The following LSAMP variants were observed in gnomAD, a reference collection of about 807,000 sequenced individuals.
The protein encoded by LSAMP is limbic system associated membrane protein.
A neutral mutation model predicts 38.6 loss-of-function variants in LSAMP; 7 were observed. The ratio of observed to expected loss-of-function variants is 0.18; its 90% CI spans 0.10 to 0.34. The LOEUF (loss-of-function observed/expected upper bound fraction) is 0.34, where lower values mean the gene tolerates loss of function less well. Ranked by LOEUF, LSAMP falls within the 10% of genes least tolerant of loss-of-function variation. The pLI is 1.00. For synonymous variants in LSAMP, 154 were observed against 166.8 expected, an observed-to-expected ratio of 0.92 and a Z score of 0.59; for missense variants, 313 against 420.0, an observed-to-expected ratio of 0.75 and a Z score of 2.23.
At chr3:116,392,390 A>G (rs1332385418) in intron 1 of LSAMP, among the ~76,000 whole-genome samples, 1 of 152,154 alleles carries the variant, frequency 6.6e-6, no homozygotes, top group Non-Finnish European at 1.5e-5. Flanking sequence ...CTCAGAGTAA[A>G]GTCAGGGGCC....
chr3:116,149,626 T>A (rs55942136), intron 1 of LSAMP, among the ~76,000 whole-genome samples: 147,575 of 151,938 alleles, frequency 0.97, 71,814 homozygotes, highest in East Asian at 1. Context: ...TTCTGATCTT[T>A]TGGGGGCTGG....
rs1933775027 is a variant in LSAMP, at chr3:115,810,235, CTCTCTCTCTG to C, written c.*72_*81del. 26 of 970,356 alleles carry C rather than the reference CTCTCTCTCTG, an allele frequency of 2.7e-5. No homozygotes were observed. The highest frequency in any genetic ancestry group is 2.3e-4 in the South Asian group (14 of 62,002). 60.1% of individuals were successfully genotyped at this position (970,356 alleles called of 1,614,324 possible). A position where few individuals can be genotyped will look rare whatever the true frequency, so the allele number is the denominator to read the frequency against. ...CGGTCTCCCCCATCTCTCTCTCTCT[CTCTCTCTCTG>C]TCTCTCTCTCTCTGTATTCTGTGTG... On this transcript the variant is annotated 3_prime_UTR_variant, in exon 7 of 7. Transcript: ENST00000490035.
intron 3 of LSAMP, among the ~76,000 whole-genome samples, chr3:115,856,680 G>A (rs922247601): frequency 2.0e-5 from 3 of 151,690 alleles, no homozygotes; most frequent in Non-Finnish European, 2.9e-5. Flanking sequence ...CTTCTGCCAC[G>A]TAAGGACACA....
chr3:115,828,234 C>G (rs997218558), intron 6 of LSAMP, among the ~76,000 whole-genome samples: 1 of 152,136 alleles, frequency 6.6e-6, no homozygotes, highest in African/African-American at 2.4e-5. Context: ...AGCCAAGGAA[C>G]AGGTTAAAAT....
At chr3:116,043,505 G>T (rs2107721183) in intron 2 of LSAMP, among the ~76,000 whole-genome samples, 1 of 152,210 alleles carries the variant, frequency 6.6e-6, no homozygotes, top group Admixed American at 6.5e-5. Flanking sequence ...GGCATTTCCT[G>T]GGCATAAAAG....
intron 1 of LSAMP, among the ~76,000 whole-genome samples, chr3:116,268,862 G>A (rs576736985): frequency 3.9e-5 from 6 of 151,988 alleles, no homozygotes; most frequent in Non-Finnish European, 8.8e-5. Flanking sequence ...AATAGAAATG[G>A]AACTAACTTT....
rs148116242 is a variant in LSAMP, at chr3:116,366,531, C to T, written c.155+78346G>A. 5.9e-3 allele frequency among the ~76,000 whole-genome samples: 896 copies of T among 152,238 alleles called. 6 individuals carry two copies. Among genetic ancestry groups the T allele is most frequent in the African/African-American group, 0.02 (835 of 41,544 alleles). On this transcript the variant is annotated intron_variant, in intron 1 of 6. Coordinates refer to ENST00000490035, the MANE Select transcript of LSAMP (RefSeq NM_002338.5). ...ACTCAGGGTCACTCAGTGTCCTCCC[C>T]ATAGATATATTTACATGAATGAATA...
At chr3:116,356,987 G>GT in intron 1 of LSAMP, among the ~76,000 whole-genome samples, 1 of 152,242 alleles carries the variant, frequency 6.6e-6, no homozygotes, top group South Asian at 2.1e-4. Context: ...TAGAGACGGG[G>GT]TTTCACCGTG....
chr3:115,872,694 C>CTCACGTGAATTATATTATT (rs1398708523), intron 3 of LSAMP, among the ~76,000 whole-genome samples: 10 of 152,180 alleles, frequency 6.6e-5, no homozygotes, highest in African/African-American at 2.4e-4. Flanking sequence ...GCTAAGAATT[C>CTCACGTGAATTATATTATT]TCACGTGAAT....
In LSAMP at chr3:116,173,475, C is replaced by T. The variant is rs191271114; in HGVS notation, c.156-86919G>A. Among the ~76,000 whole-genome samples the T allele has an allele frequency of 2.6e-5, 4 of 151,250 alleles. No individual in the cohort carries two copies. The East Asian group carries it at 7.7e-4, about 29-fold the overall frequency. On this transcript the variant is annotated intron_variant, in intron 1 of 6. Coordinates refer to ENST00000490035, the MANE Select transcript of LSAMP (RefSeq NM_002338.5). ...AATTTATAATCCAGTGGCAAATGCC[C>T]ACTAATAATTCAGGAGTTAAAAAAT...
At chr3:115,990,032 A>G (rs540117254) in intron 3 of LSAMP, among the ~76,000 whole-genome samples, 1 of 152,162 alleles carries the variant, frequency 6.6e-6, no homozygotes, top group South Asian at 2.1e-4. Context: ...AGCTACAGAG[A>G]TTTCTGAACT....
intron 1 of LSAMP, among the ~76,000 whole-genome samples, chr3:116,217,630 A>T (rs544724105): frequency 3.9e-5 from 6 of 152,348 alleles, no homozygotes; most frequent in African/African-American, 1.4e-4. Flanking sequence ...TGTGCCAATT[A>T]CTGTGCTAAA....
At chr3:115,898,304 A>G (rs1174313450) in intron 3 of LSAMP, among the ~76,000 whole-genome samples, 1 of 152,128 alleles carries the variant, frequency 6.6e-6, no homozygotes, top group African/African-American at 2.4e-5. Context: ...TGAGCTGTAC[A>G]TTTCCAAAAG....
intron 1 of LSAMP, among the ~76,000 whole-genome samples, chr3:116,162,832 C>T (rs1709931812): frequency 6.6e-6 from 1 of 151,026 alleles, no homozygotes; most frequent in Non-Finnish European, 1.5e-5. Flanking sequence ...TCCTGGATGT[C>T]CCAGCCTTGA....
intron 1 of LSAMP, among the ~76,000 whole-genome samples, chr3:116,396,016 G>A (rs1165914337): frequency 6.6e-6 from 1 of 152,086 alleles, no homozygotes; most frequent in Non-Finnish European, 1.5e-5. Flanking sequence ...ACCAGTGAAA[G>A]CTCTTCAAAA....
At chr3:116,206,109 A>C (rs1419081628) in intron 1 of LSAMP, among the ~76,000 whole-genome samples, 3 of 150,850 alleles carry the variant, frequency 2.0e-5, no homozygotes, top group Admixed American at 6.6e-5. Flanking sequence ...CAGAGATTCA[A>C]CTTCTTCCTG....
In LSAMP at chr3:115,807,013, AAATATAT is replaced by A. The variant is rs1481346600; in HGVS notation, c.*3297_*3303del. ...TTTTACTTTGTATACAAAGGATATT[AAATATAT>A]TAGCCACTCAGATTAATTGATGAAT... On this transcript the variant is annotated 3_prime_UTR_variant, in exon 7 of 7. Coordinates refer to ENST00000490035, the MANE Select transcript of LSAMP (RefSeq NM_002338.5). 6.6e-6 allele frequency: 1 copy of A among 152,214 alleles called. No individual in the cohort carries two copies. Among genetic ancestry groups the A allele is most frequent in the Non-Finnish European group, 1.5e-5 (1 of 68,038 alleles). 9.4% of individuals were successfully genotyped at this position (152,214 alleles called of 1,614,324 possible).
At chr3:115,839,228 CCCTT>C (rs1407014317) in intron 6 of LSAMP, among the ~76,000 whole-genome samples, 2 of 131,276 alleles carry the variant, frequency 1.5e-5, no homozygotes, top group African/African-American at 5.3e-5. Flanking sequence ...CTCCCTCCCT[CCCTT>C]CCTTCTTTCC....
intron 1 of LSAMP, among the ~76,000 whole-genome samples, chr3:116,307,611 G>A (rs2047500534): frequency 6.6e-6 from 1 of 151,834 alleles, no homozygotes; most frequent in African/African-American, 2.4e-5. Context: ...AAATAGTCAT[G>A]CACTATTATT....
Sources: allele counts gnomAD v4.1 joint callset (sites outside exome capture counted in the v4.1 genomes callset), GRCh38; gene constraint gnomAD v4.1.1; transcripts MANE v1.5; gene names NCBI Gene and HGNC (gene_info 2026-07-23, HGNC 2026-07-21).